Variants in CCDC102B observed in about 807,000 individuals in gnomAD.
The protein encoded by CCDC102B is coiled-coil domain containing 102B.
A neutral mutation model predicts 57.4 loss-of-function variants in CCDC102B; 75 were observed. That is an observed-to-expected ratio of 1.31 (90% CI 1.08 to 1.58). The LOEUF (loss-of-function observed/expected upper bound fraction) is 1.58. Ranked by LOEUF, CCDC102B falls within the 40% of genes most tolerant of loss-of-function variation. CCDC102B has a pLI of 0.00. For missense variants in CCDC102B, 636 were observed against 582.6 expected, an observed-to-expected ratio of 1.09 and a Z score of -0.94; for synonymous variants, 206 against 201.9, an observed-to-expected ratio of 1.02 and a Z score of -0.17.
At chr18:68,839,838 A>G (rs983927567) in intron 3 of CCDC102B, among the ~76,000 whole-genome samples, 1 of 152,170 alleles carries the variant, frequency 6.6e-6, no homozygotes, top group Middle Eastern at 3.2e-3. Flanking sequence ...TTCTGCCTCA[A>G]AAGTCAGACC....
chr18:69,029,026 G>A (rs1254699578), intron 7 of CCDC102B, among the ~76,000 whole-genome samples: 1 of 152,066 alleles, frequency 6.6e-6, no homozygotes, highest in Non-Finnish European at 1.5e-5. Flanking sequence ...TATGCGTGAT[G>A]TTTATCTCAC....
intron 2 of CCDC102B, among the ~76,000 whole-genome samples, chr18:68,743,829 A>C (rs1364718888): frequency 6.6e-6 from 1 of 152,196 alleles, no homozygotes; most frequent in Non-Finnish European, 1.5e-5. Flanking sequence ...ATTTAGAAGA[A>C]AGAAACTTCA....
intron 7 of CCDC102B, among the ~76,000 whole-genome samples, chr18:69,036,492 A>G (rs1423631917): frequency 6.6e-6 from 1 of 152,132 alleles, no homozygotes; most frequent in Non-Finnish European, 1.5e-5. Flanking sequence ...CATCTGGCAT[A>G]CCTAAACTTT....
At chr18:68,925,286 C>T (rs1189306470) in intron 6 of CCDC102B, among the ~76,000 whole-genome samples, 1 of 152,038 alleles carries the variant, frequency 6.6e-6, no homozygotes, top group Non-Finnish European at 1.5e-5. Flanking sequence ...TCAGATACCA[C>T]TCCCCAGAGT....
At position 68,948,958 on chromosome 18, in the gene CCDC102B, G is replaced by C. The variant is rs545106564; in HGVS notation, c.1263+51530G>C. On this transcript the variant is annotated intron_variant, in intron 6 of 7. Transcript: ENST00000360242. Reference sequence around the variant, plus strand: ...AGGTCCCACAATAGGATGTCTGCAAGCTTGAGGAGCAAGGAGAGCCAGTCC... The same window carrying C: ...AGGTCCCACAATAGGATGTCTGCAACCTTGAGGAGCAAGGAGAGCCAGTCC... Among the ~76,000 whole-genome samples, 7 of 152,136 alleles carry C rather than the reference G, an allele frequency of 4.6e-5. No individual in the cohort carries two copies. In the South Asian group the frequency reaches 1.2e-3, roughly 27 times the overall value.
At chr18:68,916,224 G>C (rs970164534) in intron 6 of CCDC102B, among the ~76,000 whole-genome samples, 2 of 152,046 alleles carry the variant, frequency 1.3e-5, no homozygotes, top group Non-Finnish European at 2.9e-5. Flanking sequence ...TGATGATTTG[G>C]AAGGACTAGG....
At chr18:68,880,144 C>G (rs555242819) in intron 5 of CCDC102B, among the ~76,000 whole-genome samples, 2 of 152,282 alleles carry the variant, frequency 1.3e-5, no homozygotes, top group Admixed American at 1.3e-4. Flanking sequence ...CTGCCCCGCC[C>G]AAGGCAGCTA....
At chr18:68,876,574 G>C (rs1363207049) in intron 5 of CCDC102B, among the ~76,000 whole-genome samples, 1 of 152,022 alleles carries the variant, frequency 6.6e-6, no homozygotes, top group Non-Finnish European at 1.5e-5. Context: ...TAAATCTCCT[G>C]TATCTCAATT....
chr18:68,796,136 G>C (rs188218057), upstream of CCDC102B, among the ~76,000 whole-genome samples: 1 of 152,178 alleles, frequency 6.6e-6, no homozygotes, highest in Non-Finnish European at 1.5e-5. Context: ...GCAGAAGAAA[G>C]CTGGGAGAAG....
At chr18:68,845,915 G>A (rs942122125) in intron 3 of CCDC102B, among the ~76,000 whole-genome samples, 1 of 151,676 alleles carries the variant, frequency 6.6e-6, no homozygotes, top group Non-Finnish European at 1.5e-5. Flanking sequence ...CATTTCAAAT[G>A]ATTTTTTTCA....
chr18:68,872,566 C>T (rs1054938060), intron 4 of CCDC102B, among the ~76,000 whole-genome samples: 1 of 151,704 alleles, frequency 6.6e-6, no homozygotes, highest in African/African-American at 2.4e-5. Flanking sequence ...CTAATATTCT[C>T]TTTTATATCT....
rs140689243 is a variant in CCDC102B, at chr18:68,899,495, T to C, written c.1263+2067T>C. Reference sequence around the variant, plus strand: ...TATATATGTACAGAAATTCCATACATGAGTGAGGCAGTGAAAGAAGGTGCT... The same window carrying C: ...TATATATGTACAGAAATTCCATACACGAGTGAGGCAGTGAAAGAAGGTGCT... On this transcript the variant is annotated intron_variant, in intron 6 of 7. Coordinates refer to ENST00000360242, the MANE Select transcript of CCDC102B (RefSeq NM_024781.3). Among the ~76,000 whole-genome samples the C allele has an allele frequency of 3.3e-5, 5 of 152,086 alleles. No homozygotes were observed. The East Asian group carries it at 7.7e-4, about 24-fold the overall frequency.
chr18:68,964,434 G>T (rs1599762391), intron 6 of CCDC102B, among the ~76,000 whole-genome samples: 4 of 146,866 alleles, frequency 2.7e-5, no homozygotes, highest in South Asian at 2.1e-4. Context: ...CTATTTCTTT[G>T]GATGAAAAGG....
intron 6 of CCDC102B, among the ~76,000 whole-genome samples, chr18:68,989,805 G>A (rs2050817198): frequency 6.6e-6 from 1 of 152,154 alleles, no homozygotes; most frequent in African/African-American, 2.4e-5. Flanking sequence ...GTCATTAGAG[G>A]TACAGGCCCT....
At chr18:68,964,718 G>A (rs765779778) in intron 6 of CCDC102B, among the ~76,000 whole-genome samples, 1 of 151,556 alleles carries the variant, frequency 6.6e-6, no homozygotes, top group Non-Finnish European at 1.5e-5. Flanking sequence ...GATGTTCTAG[G>A]GTTAGTTCTT....
chr18:68,730,147 T>G (rs551718256), intron 2 of CCDC102B, among the ~76,000 whole-genome samples: 1 of 152,164 alleles, frequency 6.6e-6, no homozygotes, highest in Non-Finnish European at 1.5e-5. Context: ...AAGTTTAACT[T>G]AGTTGTTTTA....
At chr18:68,783,819 T>G (rs1413215429) in intron 2 of CCDC102B, among the ~76,000 whole-genome samples, 1 of 152,130 alleles carries the variant, frequency 6.6e-6, no homozygotes, top group East Asian at 1.9e-4. Context: ...TTATGGGAAA[T>G]AGGAGAGGAA....
At chr18:68,948,335 C>G (rs1368241724) in intron 6 of CCDC102B, among the ~76,000 whole-genome samples, 5 of 151,988 alleles carry the variant, frequency 3.3e-5, no homozygotes, top group African/African-American at 1.2e-4. Flanking sequence ...AAATTCATAA[C>G]TTTTAAGACT....
intron 1 of CCDC102B, among the ~76,000 whole-genome samples, chr18:68,828,260 A>G (rs1194529074): frequency 1.4e-5 from 2 of 145,860 alleles, no homozygotes; most frequent in African/African-American, 5.0e-5. Flanking sequence ...CCACCATACA[A>G]TTGCAGAATA....
Sources: allele counts gnomAD v4.1 joint callset (sites outside exome capture counted in the v4.1 genomes callset), GRCh38; gene constraint gnomAD v4.1.1; transcripts MANE v1.5; gene names NCBI Gene and HGNC (gene_info 2026-07-23, HGNC 2026-07-21).